SEC23IP: variants seen among roughly 807,000 people sequenced by gnomAD.
SEC23IP encodes the protein SEC23 interacting protein.
In SEC23IP, 70 loss-of-function variants were observed where a neutral mutation model predicts 113.4. The observed-to-expected ratio is 0.62, with a 90% confidence interval of 0.51 to 0.75. The LOEUF is 0.75. Among genes scored for constraint, SEC23IP ranks in the 30% least tolerant of loss-of-function variants. SEC23IP has a pLI of 0.00. For synonymous variants in SEC23IP, 398 were observed against 421.0 expected (o/e 0.95, Z 0.67); for missense variants, 1,160 against 1,204.9 (o/e 0.96, Z 0.55).
chr10:119,906,001 C>T (rs1375055865), intron 4 of SEC23IP, among the ~76,000 whole-genome samples: 1 of 151,924 alleles, frequency 6.6e-6, no homozygotes, highest in Non-Finnish European at 1.5e-5. Flanking sequence ...CTAGGCTGGG[C>T]GTGGTGGCTC....
At chr10:119,936,918 T>G (rs977428373) in intron 18 of SEC23IP, among the ~76,000 whole-genome samples, 5 of 151,828 alleles carry the variant, frequency 3.3e-5, no homozygotes, top group Non-Finnish European at 7.4e-5. Context: ...GACGGAGTCT[T>G]GCTTTGTCGC....
chr10:119,923,759 G>C (rs937362942), intron 12 of SEC23IP, among the ~76,000 whole-genome samples: 4 of 152,094 alleles, frequency 2.6e-5, no homozygotes, highest in African/African-American at 9.7e-5. Flanking sequence ...ATGTTGGTCA[G>C]GCTGGTCTCA....
At chr10:119,896,860 G>C (rs1391368432) in intron 1 of SEC23IP, among the ~76,000 whole-genome samples, 3 of 152,040 alleles carry the variant, frequency 2.0e-5, no homozygotes, top group African/African-American at 7.2e-5. Flanking sequence ...GACCTGAAAA[G>C]AGGGGTGGGA....
chr10:119,915,784 G>A lies in SEC23IP; in HGVS notation c.1439G>A (p.Arg480Gln), dbSNP rs61736545. 1.3e-4 allele frequency: 203 copies of A among 1,597,368 alleles called. No homozygotes were observed. The African/African-American group carries it at 1.8e-3, about 14-fold the overall frequency. ...DFRVVSLKLL[R>Q]THFKKSLDDG... is the part of the protein sequence containing the mutation. ...AGGGTGGTTTCTCTCAAATTGCTGC[G>A]GACACATTTCAAGAAATCTTTAGAT... Residue 480 changes from arginine (R) to glutamine (Q), a missense_variant, in exon 8 of 19, where the codon CGG becomes CAG. By Grantham distance (43) the Arg-to-Gln change is conservative. Coordinates refer to ENST00000369075, the MANE Select transcript of SEC23IP (RefSeq NM_007190.4).
intron 11 of SEC23IP, 73 bp downstream of exon 11, chr10:119,919,669 T>C (rs1855180116): frequency 2.4e-6 from 3 of 1,255,320 alleles, no homozygotes; most frequent in Non-Finnish European, 3.3e-6. Context: ...AGAATAAACA[T>C]TTTCGTATCA....
intron 2 of SEC23IP, among the ~76,000 whole-genome samples, chr10:119,900,060 T>C (rs1258015101): frequency 1.3e-5 from 2 of 151,238 alleles, no homozygotes; most frequent in Non-Finnish European, 2.9e-5. Flanking sequence ...CGTTTTTTTC[T>C]CTTTCTGTAT....
In SEC23IP at chr10:119,898,890, T is replaced by C. The variant is rs1854383084; in HGVS notation, c.627T>C (p.Pro209=). The C allele has an allele frequency of 1.2e-6, 2 of 1,605,380 alleles. No individual in the cohort carries two copies. The highest frequency in any genetic ancestry group is 1.7e-6 in the Non-Finnish European group (2 of 1,179,860). ...TGCAGCAGTGCCAAACACCAGGCCCTCCTGCTCATCCTCCACCTTCTGGAC... is the reference window on the plus strand; with the variant it reads ...TGCAGCAGTGCCAAACACCAGGCCCCCCTGCTCATCCTCCACCTTCTGGAC... The part of the protein sequence containing the change: ...PQLQQCQTPG[P]PAHPPPSGPP... The change falls in exon 2 of 19, where the codon CCT becomes CCC. Residue 209 remains proline (P), a synonymous_variant. Transcript: ENST00000369075.
At position 119,920,983 on chromosome 10, in the gene SEC23IP, T is replaced by A; in HGVS notation, c.2120T>A (p.Leu707Gln). ...ANFVEHKAAK[L>Q]KKAASEKKAV... ...TTTGTAGAACATAAAGCAGCCAAAC[T>A]GGTAAAGTTCACCTCTGACTCAAGA... The change falls in exon 12 of 19, where the codon CTG (leucine) becomes CAG (glutamine). Residue 707 changes from leucine (L) to glutamine (Q), a missense_variant and splice_region_variant. Physicochemically the swap from Leu to Gln is moderately radical, Grantham distance 113. Transcript: ENST00000369075. The A allele has an allele frequency of 6.2e-7, 1 of 1,608,714 alleles. No homozygotes were observed.
intron 8 of SEC23IP, 45 bp from the exon 9 acceptor site, chr10:119,917,791 A>T: frequency 1.4e-6 from 2 of 1,438,616 alleles, no homozygotes; most frequent in Non-Finnish European, 1.9e-6. Flanking sequence ...CTGTAAATTT[A>T]AGGTAGATGC....
Position 119,915,740 on chromosome 10 carries a change from T to TA in SEC23IP, c.1403-8_1403-7insA. 2 of 1,538,800 alleles carry TA rather than the reference T, an allele frequency of 1.3e-6. No homozygotes were observed. Among genetic ancestry groups the TA allele is most frequent in the Middle Eastern group, 1.8e-4 (1 of 5,702 alleles). ...ATTTATTTTCTCTTTTTTTTTTTTCTTTTGAAGTGGATGATTTTAGGGTGG... is the reference window on the plus strand; with the variant it reads ...ATTTATTTTCTCTTTTTTTTTTTTCTATTTGAAGTGGATGATTTTAGGGTGG... On this transcript the variant is annotated splice_region_variant and splice_polypyrimidine_tract_variant and intron_variant, in intron 7 of 18. Transcript: ENST00000369075.
chr10:119,917,877 G>A lies in SEC23IP; in HGVS notation c.1586G>A (p.Arg529His), dbSNP rs778749246. 18 of 1,613,772 alleles carry A rather than the reference G, an allele frequency of 1.1e-5. No individual in the cohort carries two copies. The highest frequency in any genetic ancestry group is 5.0e-5 in the Admixed American group (3 of 59,980). ...ACTTTGCCAAGTATTGGTCGATTTC[G>A]TCACTTTACCAATGAAACTTTGCTA... ...KITLPSIGRF[R>H]HFTNETLLDI... is the part of the protein sequence containing the mutation. The change falls in exon 9 of 19, where the codon CGT (arginine) becomes CAT (histidine). Residue 529 changes from arginine (R) to histidine (H), a missense_variant. Transcript: ENST00000369075.
chr10:119,918,995 A>AT (rs61207350), intron 10 of SEC23IP, among the ~76,000 whole-genome samples: 132,860 of 143,772 alleles, frequency 0.92, 61,574 homozygotes, highest in Admixed American at 0.95. Flanking sequence ...AGAATATTCA[A>AT]TTTTTTTTTT....
intron 12 of SEC23IP, among the ~76,000 whole-genome samples, chr10:119,922,468 A>G (rs989017524): frequency 1.3e-5 from 2 of 152,180 alleles, no homozygotes; most frequent in Non-Finnish European, 2.9e-5. Context: ...ATCACAAGTT[A>G]TGATTTAGCA....
At chr10:119,938,122 CT>C (rs1228888057) in intron 18 of SEC23IP, among the ~76,000 whole-genome samples, 1 of 138,684 alleles carries the variant, frequency 7.2e-6, no homozygotes, top group Non-Finnish European at 1.6e-5. Flanking sequence ...GAAACCTCGT[CT>C]CTTAAAAAAA....
Position 119,941,014 on chromosome 10 carries a change from A to C in SEC23IP, c.*449A>C, listed in dbSNP as rs1235237003. The C allele has an allele frequency of 1.3e-5, 2 of 152,200 alleles. No homozygotes were observed. Among genetic ancestry groups the C allele is most frequent in the African/African-American group, 4.8e-5 (2 of 41,444 alleles). 9.4% of individuals were successfully genotyped at this position (152,200 alleles called of 1,614,324 possible). ...TTATTCAAGTATGAACTTGTTGAGA[A>C]ACTATAGTAATATGATTTTTAAGAG... On this transcript the variant is annotated 3_prime_UTR_variant, in exon 19 of 19. Coordinates refer to ENST00000369075, the MANE Select transcript of SEC23IP (RefSeq NM_007190.4).
In SEC23IP at chr10:119,902,078, C is replaced by T. The variant is rs773364373; in HGVS notation, c.697-721C>T. On this transcript the variant is annotated intron_variant, in intron 2 of 18. Coordinates refer to ENST00000369075, the MANE Select transcript of SEC23IP (RefSeq NM_007190.4). ...GGCACATTTTAAAGGTTAAATAGGCCGGGTGTGGTGGCTCACACCTGTAAT... is the reference window on the plus strand; with the variant it reads ...GGCACATTTTAAAGGTTAAATAGGCTGGGTGTGGTGGCTCACACCTGTAAT... 2.6e-5 allele frequency among the ~76,000 whole-genome samples: 4 copies of T among 151,936 alleles called. No individual in the cohort carries two copies. The South Asian group carries it at 6.2e-4, about 24-fold the overall frequency.
chr10:119,916,931 T>C (rs1855071197), intron 8 of SEC23IP, among the ~76,000 whole-genome samples: 1 of 151,914 alleles, frequency 6.6e-6, no homozygotes, highest in Non-Finnish European at 1.5e-5. Flanking sequence ...TGCGCTGGCA[T>C]GATCATGGCT....
chr10:119,940,702 C>T lies in SEC23IP; in HGVS notation c.*137C>T, dbSNP rs1855939536. On this transcript the variant is annotated 3_prime_UTR_variant, in exon 19 of 19. Coordinates refer to ENST00000369075, the MANE Select transcript of SEC23IP (RefSeq NM_007190.4). The stretch of plus-strand genomic sequence containing the variant: ...CAGAAGAGTGATTCATTAACAATTG[C>T]TCAGCCACAATTCTCGGATATAGGG... 2 of 151,942 alleles carry T rather than the reference C, an allele frequency of 1.3e-5. No homozygotes were observed. Among genetic ancestry groups the T allele is most frequent in the African/African-American group, 2.4e-5 (1 of 41,364 alleles). 9.4% of individuals were successfully genotyped at this position (151,942 alleles called of 1,614,324 possible).
In SEC23IP at chr10:119,916,862, T is replaced by G. The variant is rs139160879; in HGVS notation, c.1544+973T>G. On this transcript the variant is annotated intron_variant, in intron 8 of 18. Coordinates refer to ENST00000369075, the MANE Select transcript of SEC23IP (RefSeq NM_007190.4). ...AGTATAGTTATAGGCACAAATAACT[T>G]TAAAAAAAAAACTGAATTGTTTTTG... 3.1e-3 allele frequency among the ~76,000 whole-genome samples: 466 copies of G among 152,182 alleles called. 4 individuals are homozygous for G. The highest frequency in any genetic ancestry group is 4.5e-3 in the Non-Finnish European group (307 of 67,984).
Sources: gnomAD v4.1 joint callset for allele counts (sites outside exome capture counted in the v4.1 genomes callset) on GRCh38, gnomAD v4.1.1 for gene constraint, MANE v1.5 for transcripts, NCBI Gene and HGNC (gene_info 2026-07-23, HGNC 2026-07-21) for gene names.